The following MIB1 variants were observed in gnomAD, a reference collection of about 807,000 sequenced individuals.
MIB1 encodes E3 ubiquitin-protein ligase MIB1.
In MIB1, 278 loss-of-function variants were observed where a neutral mutation model predicts 124.5. The observed-to-expected ratio is 2.23, with a 90% confidence interval of 2.02 to 2.47. The LOEUF (loss-of-function observed/expected upper bound fraction) is 2.47. Ranked by LOEUF, MIB1 falls within the 30% of genes most tolerant of loss-of-function variation. The probability of loss-of-function intolerance (pLI) is 0.00; values close to 1 mark genes in which losing one functional copy is unlikely to be tolerated. For missense variants in MIB1, 957 were observed against 1,254.4 expected, an observed-to-expected ratio of 0.76 and a Z score of 3.58; for synonymous variants, 446 against 429.4, an observed-to-expected ratio of 1.04 and a Z score of -0.48.
At position 21,846,733 on chromosome 18, in the gene MIB1, C is replaced by T. The variant is rs75178903; in HGVS notation, c.2212-211C>T. Reference sequence around the variant, plus strand: ...TGACTGGTTTGGGCCATGTTTGGTCCACCTCTGCAGCTGGAGAATGTAGGT... The same window carrying T: ...TGACTGGTTTGGGCCATGTTTGGTCTACCTCTGCAGCTGGAGAATGTAGGT... On this transcript the variant is annotated intron_variant, in intron 15 of 20. Coordinates refer to ENST00000261537, the MANE Select transcript of MIB1 (RefSeq NM_020774.4). Among the ~76,000 whole-genome samples, 33 of 152,196 alleles carry T rather than the reference C, an allele frequency of 2.2e-4. No homozygotes were observed. The East Asian group carries it at 6.4e-3, about 29-fold the overall frequency.
chr18:21,799,600 C>T (rs1261383164), intron 8 of MIB1, among the ~76,000 whole-genome samples: 1 of 151,930 alleles, frequency 6.6e-6, no homozygotes, highest in Non-Finnish European at 1.5e-5. Context: ...ATATAATGCA[C>T]TACTTTTTCT....
At chr18:21,752,292 G>A (rs939806281) in intron 1 of MIB1, among the ~76,000 whole-genome samples, 1 of 152,034 alleles carries the variant, frequency 6.6e-6, no homozygotes, top group Non-Finnish European at 1.5e-5. Context: ...TCATATAATA[G>A]TATTCAAATT....
intron 1 of MIB1, among the ~76,000 whole-genome samples, chr18:21,719,558 G>A (rs1376473176): frequency 2.0e-5 from 3 of 151,716 alleles, no homozygotes; most frequent in Admixed American, 6.6e-5. Flanking sequence ...GTGATTCTCC[G>A]GTCTCAGCCT....
At chr18:21,842,279 A>G (rs1379614917) in intron 13 of MIB1, among the ~76,000 whole-genome samples, 1 of 152,100 alleles carries the variant, frequency 6.6e-6, no homozygotes, top group Non-Finnish European at 1.5e-5. Context: ...GAGGGCATGC[A>G]TGGTTCTAAG....
rs1258408150 is a variant in MIB1, at chr18:21,865,471, G to T, written c.*805G>T. On this transcript the variant is annotated 3_prime_UTR_variant, in exon 21 of 21. Coordinates refer to ENST00000261537, the MANE Select transcript of MIB1 (RefSeq NM_020774.4). ...ATTAATTTATACACTATTTTGTTCA[G>T]CCAGTGTTTTTAAAAAAAATCTATG... The T allele has an allele frequency of 2.0e-5, 3 of 151,966 alleles. No homozygotes were observed. The highest frequency in any genetic ancestry group is 4.1e-4 in the South Asian group (2 of 4,824). The allele number at this position is 151,966 out of a possible 1,614,324, so 9.4% of individuals were successfully genotyped here. A position where few individuals can be genotyped will look rare whatever the true frequency, so the allele number is the denominator to read the frequency against.
At chr18:21,788,958 T>TAAAG (rs1200878556) in intron 6 of MIB1, among the ~76,000 whole-genome samples, 1 of 152,298 alleles carries the variant, frequency 6.6e-6, no homozygotes, top group Non-Finnish European at 1.5e-5. Flanking sequence ...TGAAAGAAAT[T>TAAAG]AAAGAAGACC....
chr18:21,761,384 A>C (rs2041096161), intron 1 of MIB1, among the ~76,000 whole-genome samples: 1 of 152,218 alleles, frequency 6.6e-6, no homozygotes, highest in African/African-American at 2.4e-5. Flanking sequence ...CCATTTAATT[A>C]GTTTTTTAAA....
chr18:21,709,172 G>A (rs1333451545), intron 1 of MIB1, among the ~76,000 whole-genome samples: 1 of 152,146 alleles, frequency 6.6e-6, no homozygotes, highest in East Asian at 1.9e-4. Flanking sequence ...AAAAAAATTA[G>A]CTGGGTGCAG....
intron 1 of MIB1, among the ~76,000 whole-genome samples, chr18:21,746,205 A>G (rs1469141079): frequency 6.6e-6 from 1 of 152,184 alleles, no homozygotes; most frequent in Non-Finnish European, 1.5e-5. Flanking sequence ...ATTCCTTGCA[A>G]CTTTTCTGGG....
At chr18:21,860,374 T>G (rs2146523272) in intron 20 of MIB1, among the ~76,000 whole-genome samples, 1 of 152,208 alleles carries the variant, frequency 6.6e-6, no homozygotes, top group East Asian at 1.9e-4. Flanking sequence ...GTGCTGAGAT[T>G]ACAGGCGTGA....
chr18:21,804,287 C>G (rs1027228125), intron 10 of MIB1, among the ~76,000 whole-genome samples: 8 of 152,116 alleles, frequency 5.3e-5, no homozygotes, highest in African/African-American at 1.9e-4. Context: ...TGGGCTTGTC[C>G]AAGAATCAAG....
intron 1 of MIB1, among the ~76,000 whole-genome samples, chr18:21,754,668 G>A (rs145046318): frequency 6.6e-6 from 1 of 152,202 alleles, no homozygotes; most frequent in African/African-American, 2.4e-5. Context: ...ATCCTATGCT[G>A]AGGATTCTGA....
intron 1 of MIB1, among the ~76,000 whole-genome samples, chr18:21,751,368 C>A (rs997093882): frequency 6.6e-6 from 1 of 152,098 alleles, no homozygotes; most frequent in Non-Finnish European, 1.5e-5. Context: ...CCAAGTGATT[C>A]TCCTGCCTCA....
At chr18:21,734,471 TC>T (rs2040786370) in intron 1 of MIB1, among the ~76,000 whole-genome samples, 1 of 94,758 alleles carries the variant, frequency 1.1e-5, no homozygotes, top group Admixed American at 1.4e-4. Flanking sequence ...TCTTTCTCTC[TC>T]TCTCTTTCTC....
Position 21,773,694 on chromosome 18 carries a change from C to A in MIB1, c.602C>A (p.Ala201Asp). ...GCATATGTCCTCTGGGATAATGGTG[C>A]TAAGAACCTTTACAGAGTTGGCTTT... ...SAAYVLWDNGAKNLYRVGFEG... is the reference protein window; with the variant it reads ...SAAYVLWDNGDKNLYRVGFEG... The change falls in exon 4 of 21, where the codon GCT (alanine) becomes GAT (aspartate). Residue 201 changes from alanine to aspartate, a missense_variant. By Grantham distance (126) the Ala-to-Asp change is moderately radical. Transcript: ENST00000261537. 1 of 1,607,324 alleles carries A rather than the reference C, an allele frequency of 6.2e-7. No individual in the cohort carries two copies. Among genetic ancestry groups the A allele is most frequent in the Non-Finnish European group, 8.5e-7 (1 of 1,177,342 alleles).
rs573203298 is a variant in MIB1, at chr18:21,742,276, CTT to C, written c.229+481_229+482del. 2.5e-3 allele frequency among the ~76,000 whole-genome samples: 336 copies of C among 136,592 alleles called. 1 individual carries two copies. Among genetic ancestry groups the C allele is most frequent in the Middle Eastern group, 3.9e-3 (1 of 258 alleles). The allele number at this position is 136,592 out of a possible 152,430, so 89.6% of individuals were successfully genotyped here. ...TGGTACCTCGGATTTGTGGAGATGC[CTT>C]TTTTTTTTTTTTTTTTAACCTCCTG... On this transcript the variant is annotated intron_variant, in intron 1 of 20. Transcript: ENST00000261537.
Position 21,864,760 on chromosome 18 carries a change from C to A in MIB1, c.*94C>A, listed in dbSNP as rs2146527342. On this transcript the variant is annotated 3_prime_UTR_variant, in exon 21 of 21. Transcript: ENST00000261537. ...GTTGGAAGTTCTGATGAGTTAATTTCTAATATCATAGTTTCTTTACTAGAG... is the reference window on the plus strand; with the variant it reads ...GTTGGAAGTTCTGATGAGTTAATTTATAATATCATAGTTTCTTTACTAGAG... 2 of 928,248 alleles carry A rather than the reference C, an allele frequency of 2.2e-6. No homozygotes were observed. The highest frequency in any genetic ancestry group is 1.6e-6 in the Non-Finnish European group (1 of 624,446). The allele number at this position is 928,248 out of a possible 1,614,324, so 57.5% of individuals were successfully genotyped here.
Position 21,843,351 on chromosome 18 carries a change from T to C in MIB1, c.2049+134T>C, listed in dbSNP as rs1372531299. 4 of 555,712 alleles carry C rather than the reference T, an allele frequency of 7.2e-6. No individual in the cohort carries two copies. In the East Asian group the frequency reaches 1.0e-4, roughly 14 times the overall value. The allele number at this position is 555,712 out of a possible 1,614,324, so 34.4% of individuals were successfully genotyped here. On this transcript the variant is annotated intron_variant, in intron 14 of 20. Transcript: ENST00000261537. ...AGTTAGATATAAGTAAATCTAAATATCTAAATACAATGTGATCTGCCAAGA... is the reference window on the plus strand; with the variant it reads ...AGTTAGATATAAGTAAATCTAAATACCTAAATACAATGTGATCTGCCAAGA...
rs1330471679 is a variant in MIB1, at chr18:21,741,494, G to A, written c.-90G>A. On this transcript the variant is annotated 5_prime_UTR_variant, in exon 1 of 21. Transcript: ENST00000261537. This position sits in a 1 kb window ranked among gnomAD's most constrained non-coding sequence, Gnocchi z 5.4. ...GCTGCCGCCCCCGCCGACGCCTAGAGTCCGGCCCGGGCCCAACTCCCTCAC... is the reference window on the plus strand; with the variant it reads ...GCTGCCGCCCCCGCCGACGCCTAGAATCCGGCCCGGGCCCAACTCCCTCAC... 1.1e-6 allele frequency: 1 copy of A among 938,308 alleles called. No individual in the cohort carries two copies. The highest frequency in any genetic ancestry group is 1.4e-6 in the Non-Finnish European group (1 of 724,570). 58.1% of individuals were successfully genotyped at this position (938,308 alleles called of 1,614,324 possible). A position where few individuals can be genotyped will look rare whatever the true frequency, so the allele number is the denominator to read the frequency against.
Sources: gnomAD v4.1 joint callset for allele counts (sites outside exome capture counted in the v4.1 genomes callset) on GRCh38, gnomAD v4.1.1 for gene constraint, Gnocchi (gnomAD v3.1) non-coding constraint, MANE v1.5 for transcripts, NCBI Gene and HGNC (gene_info 2026-07-23, HGNC 2026-07-21) for gene names.